RANGAP1: variants seen among roughly 807,000 people sequenced by gnomAD.
RANGAP1 encodes ran GTPase-activating protein 1.
Under a neutral mutation model 63.5 loss-of-function variants are expected in RANGAP1, and 38 were observed. That is an observed-to-expected ratio of 0.60 (90% CI 0.46 to 0.78). The LOEUF (loss-of-function observed/expected upper bound fraction) is 0.78, where lower values mean the gene tolerates loss of function less well. Among genes scored for constraint, RANGAP1 ranks in the 30% least tolerant of loss-of-function variants. The pLI, the probability that RANGAP1 is intolerant of heterozygous loss-of-function variation, is 0.00. For missense variants in RANGAP1, 630 were observed against 740.3 expected, an observed-to-expected ratio of 0.85 and a Z score of 1.73; for synonymous variants, 329 against 310.5, an observed-to-expected ratio of 1.06 and a Z score of -0.63.
chr22:41,287,876 C>G (rs1418620433), upstream of RANGAP1, among the ~76,000 whole-genome samples: 1 of 151,952 alleles, frequency 6.6e-6, no homozygotes, highest in Non-Finnish European at 1.5e-5. Context: ...ATCCCAGCTA[C>G]TCGGGAGGCT....
chr22:41,277,149 C>G (rs1279629348), intron 2 of RANGAP1, among the ~76,000 whole-genome samples: 2 of 131,162 alleles, frequency 1.5e-5, no homozygotes, highest in Non-Finnish European at 3.1e-5. Context: ...GGGATCTCGG[C>G]TCACTGCAAG....
At chr22:41,290,147 GAAA>G (rs549026640), upstream of RANGAP1, among the ~76,000 whole-genome samples, 6 of 115,448 alleles carry the variant, frequency 5.2e-5, no homozygotes, top group Admixed American at 9.9e-5. Flanking sequence ...CTGTCTCAAA[GAAA>G]AAAAAAAAAG....
chr22:41,256,848 A>T (rs1385386934), intron 7 of RANGAP1, 24 bp from the exon 8 acceptor site: 2 of 1,596,782 alleles, frequency 1.3e-6, no homozygotes, highest in African/African-American at 1.3e-5. Flanking sequence ...GCAAGGGTCC[A>T]GAGTGAGGGT....
chr22:41,287,102 A>C (rs2035770284), upstream of RANGAP1, among the ~76,000 whole-genome samples: 3 of 152,242 alleles, frequency 2.0e-5, no homozygotes, highest in Admixed American at 2.0e-4. Flanking sequence ...TCAATGTTAA[A>C]TTTATTAATT....
At chr22:41,273,053 T>C (rs1212586704) in intron 3 of RANGAP1, among the ~76,000 whole-genome samples, 2 of 152,064 alleles carry the variant, frequency 1.3e-5, no homozygotes, top group Non-Finnish European at 2.9e-5. Flanking sequence ...GCCTTGGCCT[T>C]CCAAAGTGCT....
chr22:41,247,040 T>G (rs2033084318), intron 15 of RANGAP1, among the ~76,000 whole-genome samples: 1 of 152,148 alleles, frequency 6.6e-6, no homozygotes, highest in African/African-American at 2.4e-5. Context: ...GTTTTTTTGG[T>G]TGCTTTTTTT....
In RANGAP1 at chr22:41,257,058, T is replaced by G; in HGVS notation, c.775-234A>C. ...CTTCCTGAGACCAACCAAGCAAGGT[T>G]CCTGCTGAGCATCCGGGTCTTCCAC... On this transcript the variant is annotated intron_variant, in intron 7 of 15. Coordinates refer to ENST00000356244, the MANE Select transcript of RANGAP1 (RefSeq NM_002883.4). The surrounding 1 kb of genome is among the most constrained non-coding windows in gnomAD (Gnocchi z 4.0). Among the ~76,000 whole-genome samples the G allele has an allele frequency of 6.6e-6, 1 of 151,966 alleles. No homozygotes were observed. The highest frequency in any genetic ancestry group is 1.9e-4 in the East Asian group (1 of 5,172).
At position 41,251,118 on chromosome 22, in the gene RANGAP1, A is replaced by C; in HGVS notation, c.1381-9T>G. On this transcript the variant is annotated splice_polypyrimidine_tract_variant and intron_variant, in intron 12 of 15. Transcript: ENST00000356244. ...GGGTCAGACGTGTCAGTCTGAGGAC[A>C]AAAGAGACAATGGTTGGCCTGTGGC... is the stretch of plus-strand genomic sequence containing the variant. 1 of 1,611,174 alleles carries C rather than the reference A, an allele frequency of 6.2e-7. No homozygotes were observed. Among genetic ancestry groups the C allele is most frequent in the African/African-American group, 1.3e-5 (1 of 74,944 alleles).
the RANGAP1 span, among the ~76,000 whole-genome samples, chr22:41,292,273 G>A: frequency 3.3e-5 from 5 of 151,790 alleles, no homozygotes; most frequent in African/African-American, 1.2e-4. Flanking sequence ...TCAGCCTCCC[G>A]AGTAGCTGGG....
chr22:41,279,392 C>A (rs1483625400), intron 2 of RANGAP1, among the ~76,000 whole-genome samples: 2 of 151,834 alleles, frequency 1.3e-5, no homozygotes, highest in Non-Finnish European at 2.9e-5. Flanking sequence ...ATGGCGTGAA[C>A]CAGGGAGGCA....
chr22:41,268,023 A>C, intron 4 of RANGAP1, 74 bp downstream of exon 4: 1 of 1,401,636 alleles, frequency 7.1e-7, no homozygotes, highest in Non-Finnish European at 9.9e-7. Context: ...AGAAAGAATA[A>C]AGCATGAGAA....
At chr22:41,255,988 C>T (rs1182384987) in intron 10 of RANGAP1, 33 bp downstream of exon 10, 4 of 1,593,890 alleles carry the variant, frequency 2.5e-6, no homozygotes, top group Non-Finnish European at 3.4e-6. Context: ...AATGGCCTGA[C>T]CCCGACCTCT....
the RANGAP1 span, among the ~76,000 whole-genome samples, chr22:41,293,029 A>T: frequency 6.6e-6 from 1 of 151,566 alleles, no homozygotes; most frequent in East Asian, 2.0e-4. Flanking sequence ...AGGTCAGGAG[A>T]TTGAGACCAT....
At chr22:41,293,432 A>G in the RANGAP1 span, among the ~76,000 whole-genome samples, 1 of 152,030 alleles carries the variant, frequency 6.6e-6, no homozygotes, top group Non-Finnish European at 1.5e-5. Context: ...AAATAAATAA[A>G]TAAAATGAAA....
the RANGAP1 span, among the ~76,000 whole-genome samples, chr22:41,295,486 G>A: frequency 4.6e-5 from 7 of 152,072 alleles, no homozygotes; most frequent in African/African-American, 1.7e-4. Context: ...TTGTTAAACA[G>A]ATGCTTGAAG....
rs2034371211 is a variant in RANGAP1 at position 41,264,767 on chromosome 22, G to A, written c.377C>T (p.Pro126Leu). The change falls in exon 5 of 16, where the codon CCC (proline) becomes CTC (leucine). Residue 126 changes from proline to leucine, a missense_variant. Coordinates refer to ENST00000356244, the MANE Select transcript of RANGAP1 (RefSeq NM_002883.4). ...GGCCTCGAAGCCTTGCACACCGTCG[G>A]GCCCGAATGCGTTGTCGCTTAAGTC... Reference protein sequence around the residue: ...ELDLSDNAFGPDGVQGFEALL... With the variant: ...ELDLSDNAFGLDGVQGFEALL... The A allele has an allele frequency of 6.2e-7, 1 of 1,614,116 alleles. No individual in the cohort carries two copies. The highest frequency in any genetic ancestry group is 8.5e-7 in the Non-Finnish European group (1 of 1,179,932).
chr22:41,272,794 G>A (rs1338853266), intron 3 of RANGAP1, among the ~76,000 whole-genome samples: 4 of 151,828 alleles, frequency 2.6e-5, no homozygotes, highest in Non-Finnish European at 4.4e-5. Context: ...GATTACAGGC[G>A]TGACCCACCA....
chr22:41,249,290 G>T, intron 15 of RANGAP1, 40 bp downstream of exon 15: 3 of 1,553,098 alleles, frequency 1.9e-6, no homozygotes, highest in East Asian at 2.3e-5. Context: ...AGAGAAGCCC[G>T]AGAGGGCAGG....
Position 41,251,003 on chromosome 22 carries a change from T to C in RANGAP1, c.1483+4A>G, listed in dbSNP as rs2033406829. The C allele has an allele frequency of 6.2e-7, 1 of 1,613,550 alleles. No individual in the cohort carries two copies. The highest frequency in any genetic ancestry group is 1.3e-5 in the African/African-American group (1 of 75,010). On this transcript the variant is annotated splice_donor_region_variant and intron_variant, in intron 13 of 15. Transcript: ENST00000356244. ...GCACCCAGGTCTCACCCAGCCCACATTACCTACTGCATCCTGCACTGCCAT... is the reference window on the plus strand; with the variant it reads ...GCACCCAGGTCTCACCCAGCCCACACTACCTACTGCATCCTGCACTGCCAT...
Sources: gnomAD v4.1 joint callset for allele counts (sites outside exome capture counted in the v4.1 genomes callset) on GRCh38, gnomAD v4.1.1 for gene constraint, Gnocchi (gnomAD v3.1) non-coding constraint, MANE v1.5 for transcripts, NCBI Gene and HGNC (gene_info 2026-07-23, HGNC 2026-07-21) for gene names.